CNTN5: variants seen among roughly 807,000 people sequenced by gnomAD.
The protein encoded by CNTN5 is contactin 5, also known as contactin-5.
A neutral mutation model predicts 129.1 loss-of-function variants in CNTN5; 77 were observed. The observed-to-expected ratio is 0.60, with a 90% CI of 0.50 to 0.72. CNTN5 has a LOEUF of 0.72. CNTN5 is among the 30% of genes least tolerant of loss of function. CNTN5 has a pLI of 0.00. For missense variants in CNTN5, 1,478 were observed against 1,328.8 expected (o/e 1.11, Z -1.75); for synonymous variants, 509 against 465.6 (o/e 1.09, Z -1.20).
At chr11:99,832,085 T>A (rs1591275152) in intron 4 of CNTN5, among the ~76,000 whole-genome samples, 1 of 152,330 alleles carries the variant, frequency 6.6e-6, no homozygotes, top group East Asian at 1.9e-4. Context: ...AATGTGTTGC[T>A]GATGTTATGA....
intron 2 of CNTN5, among the ~76,000 whole-genome samples, chr11:99,406,417 C>G (rs2136223289): frequency 6.6e-6 from 1 of 151,328 alleles, no homozygotes; most frequent in Non-Finnish European, 1.5e-5. Context: ...CTCTCTCTCT[C>G]TGTTCTGAGC....
intron 3 of CNTN5, among the ~76,000 whole-genome samples, chr11:99,602,469 G>T (rs977668256): frequency 6.6e-6 from 1 of 152,002 alleles, no homozygotes; most frequent in African/African-American, 2.4e-5. Flanking sequence ...AGGAGCAAAA[G>T]GTTCATTGAC....
intron 3 of CNTN5, among the ~76,000 whole-genome samples, chr11:99,579,006 T>C (rs558495329): frequency 2.6e-5 from 4 of 152,086 alleles, no homozygotes; most frequent in African/African-American, 4.8e-5. Context: ...TTAATTTTTG[T>C]ATAAGGTGTA....
chr11:99,983,698 G>C (rs1421639525), intron 8 of CNTN5, among the ~76,000 whole-genome samples: 2 of 152,146 alleles, frequency 1.3e-5, no homozygotes, highest in African/African-American at 4.8e-5. Flanking sequence ...AGTAATGAAA[G>C]CCAAATAGAT....
chr11:99,124,049 G>T (rs962696512), intron 1 of CNTN5, among the ~76,000 whole-genome samples: 8 of 151,794 alleles, frequency 5.3e-5, no homozygotes, highest in Non-Finnish European at 1.0e-4. Flanking sequence ...TGTATTTATT[G>T]TCCTAATTCT....
At chr11:99,668,112 A>G (rs890701839) in intron 3 of CNTN5, among the ~76,000 whole-genome samples, 1 of 152,148 alleles carries the variant, frequency 6.6e-6, no homozygotes, top group Non-Finnish European at 1.5e-5. Flanking sequence ...CAGGATTCAC[A>G]TAGTATACTT....
intron 2 of CNTN5, among the ~76,000 whole-genome samples, chr11:99,397,641 T>G (rs555883030): frequency 1.3e-5 from 2 of 151,962 alleles, no homozygotes; most frequent in East Asian, 3.9e-4. Flanking sequence ...TAAGAGCTCT[T>G]TCAGATAAAT....
At chr11:99,579,968 T>G (rs1214140535) in intron 3 of CNTN5, among the ~76,000 whole-genome samples, 7 of 151,086 alleles carry the variant, frequency 4.6e-5, no homozygotes, top group Non-Finnish European at 8.8e-5. Flanking sequence ...GCTGTGGGTT[T>G]GTCATAGATA....
intron 3 of CNTN5, among the ~76,000 whole-genome samples, chr11:99,619,858 C>T (rs1202015970): frequency 2.0e-5 from 3 of 151,752 alleles, no homozygotes; most frequent in Non-Finnish European, 4.4e-5. Context: ...AACCCTGTCT[C>T]TACTAAAAAT....
At chr11:99,809,860 C>G (rs548182518) in intron 3 of CNTN5, among the ~76,000 whole-genome samples, 8 of 152,022 alleles carry the variant, frequency 5.3e-5, no homozygotes, top group Non-Finnish European at 1.2e-4. Flanking sequence ...AAAGTAAAAG[C>G]TAATATAATC....
intron 8 of CNTN5, among the ~76,000 whole-genome samples, chr11:99,978,558 C>G (rs1938141886): frequency 6.6e-6 from 1 of 152,084 alleles, no homozygotes; most frequent in East Asian, 1.9e-4. Context: ...TATGTTTAGG[C>G]ACAAAAATAC....
chr11:99,168,540 A>G (rs1395565494), intron 1 of CNTN5, among the ~76,000 whole-genome samples: 1 of 151,850 alleles, frequency 6.6e-6, no homozygotes, highest in African/African-American at 2.4e-5. Context: ...AGACCACACC[A>G]TTGCACTCCA....
rs1565449570 is a variant in CNTN5, at chr11:100,357,070, G to A, written c.*850G>A. ...AAAAATGAGATGAATATGGGACAGA[G>A]CGTTTCCATTTCTTTACCTACTGCC... On this transcript the variant is annotated 3_prime_UTR_variant, in exon 25 of 25. Transcript: ENST00000524871. 6.6e-6 allele frequency: 1 copy of A among 151,696 alleles called. No homozygotes were observed. The highest frequency in any genetic ancestry group is 1.5e-5 in the Non-Finnish European group (1 of 67,774). The allele number at this position is 151,696 out of a possible 1,614,324, so 9.4% of individuals were successfully genotyped here. A position where few individuals can be genotyped will look rare whatever the true frequency, so the allele number is the denominator to read the frequency against.
At chr11:100,294,161 T>C (rs1202569350) in intron 18 of CNTN5, among the ~76,000 whole-genome samples, 2 of 151,660 alleles carry the variant, frequency 1.3e-5, no homozygotes, top group Non-Finnish European at 3.0e-5. Flanking sequence ...AAGCGCTTAC[T>C]GTAATATAAA....
At chr11:99,441,021 T>C (rs1342806168) in intron 2 of CNTN5, among the ~76,000 whole-genome samples, 1 of 152,194 alleles carries the variant, frequency 6.6e-6, no homozygotes, top group African/African-American at 2.4e-5. Context: ...GGTCTTGCTA[T>C]GTTGTCCAGG....
intron 1 of CNTN5, among the ~76,000 whole-genome samples, chr11:99,234,609 G>T (rs1284110841): frequency 2.0e-5 from 3 of 151,892 alleles, no homozygotes; most frequent in Admixed American, 2.0e-4. Flanking sequence ...ACCTTAGAAG[G>T]CATGATCCAA....
In CNTN5 at chr11:100,061,341, A is replaced by G; in HGVS notation, c.1110A>G (p.Arg370=). The part of the protein sequence containing the change: ...QLDDAGIYEC[R]AENSRGKNSF... ...ATGATGCAGGCATTTATGAGTGCAGAGCTGAAAACTCACGTGGAAAAAATT... is the reference window on the plus strand; with the variant it reads ...ATGATGCAGGCATTTATGAGTGCAGGGCTGAAAACTCACGTGGAAAAAATT... Residue 370 remains arginine, a synonymous_variant, in exon 10 of 25, where the codon AGA becomes AGG. Coordinates refer to ENST00000524871, the MANE Select transcript of CNTN5 (RefSeq NM_014361.4). The G allele has an allele frequency of 6.2e-7, 1 of 1,607,534 alleles. No homozygotes were observed. The highest frequency in any genetic ancestry group is 8.5e-7 in the Non-Finnish European group (1 of 1,174,824).
chr11:99,563,789 G>A (rs1273774022), intron 3 of CNTN5, among the ~76,000 whole-genome samples: 1 of 152,108 alleles, frequency 6.6e-6, no homozygotes, highest in Non-Finnish European at 1.5e-5. Context: ...TCATGTAGTT[G>A]TAGGCTTTTT....
intron 1 of CNTN5, among the ~76,000 whole-genome samples, chr11:99,245,185 G>T (rs540838535): frequency 1.3e-5 from 2 of 152,132 alleles, no homozygotes; most frequent in African/African-American, 2.4e-5. Flanking sequence ...ACTGATGGTC[G>T]TTCTTTGAAT....
Sources: gnomAD v4.1 joint callset for allele counts (sites outside exome capture counted in the v4.1 genomes callset) on GRCh38, gnomAD v4.1.1 for gene constraint, MANE v1.5 for transcripts, NCBI Gene and HGNC (gene_info 2026-07-23, HGNC 2026-07-21) for gene names.